The following CCDC3 variants were observed in gnomAD, a reference collection of about 807,000 sequenced individuals.
CCDC3 encodes the protein coiled-coil domain containing 3.
In CCDC3, 24 loss-of-function variants were observed where a neutral mutation model predicts 21.4. That is an observed-to-expected ratio of 1.12 (90% CI 0.81 to 1.58). The LOEUF (loss-of-function observed/expected upper bound fraction) is 1.58. Among genes scored for constraint, CCDC3 ranks in the 40% most tolerant of loss-of-function variants. The pLI, the probability that CCDC3 is intolerant of heterozygous loss-of-function variation, is 0.00. For synonymous variants in CCDC3, 186 were observed against 166.0 expected, an observed-to-expected ratio of 1.12 and a Z score of -0.93; for missense variants, 425 against 360.9, an observed-to-expected ratio of 1.18 and a Z score of -1.44.
At chr10:12,933,713 C>G (rs916185839) in intron 2 of CCDC3, among the ~76,000 whole-genome samples, 1 of 152,164 alleles carries the variant, frequency 6.6e-6, no homozygotes, top group Non-Finnish European at 1.5e-5. Context: ...CCGACTCGGC[C>G]TCCCAAAGTC....
chr10:13,062,301 C>T (rs887636372), intron 4 of CCDC3, among the ~76,000 whole-genome samples: 2 of 152,120 alleles, frequency 1.3e-5, no homozygotes, highest in Non-Finnish European at 2.9e-5. Flanking sequence ...CCGAGTTTCC[C>T]TTTTGCAATG....
intron 2 of CCDC3, among the ~76,000 whole-genome samples, chr10:12,926,227 C>T (rs921109625): frequency 2.6e-5 from 4 of 152,224 alleles, no homozygotes; most frequent in African/African-American, 9.6e-5. Flanking sequence ...TGATAAAAGG[C>T]TGGTTTGTAC....
chr10:13,032,002 T>C (rs751702920), intron 5 of CCDC3, among the ~76,000 whole-genome samples: 17 of 152,178 alleles, frequency 1.1e-4, no homozygotes, highest in African/African-American at 4.1e-4. Context: ...GAGGCCAGCA[T>C]CATCCTGATA....
intron 4 of CCDC3, among the ~76,000 whole-genome samples, chr10:13,050,298 G>T (rs1229522147): frequency 6.6e-6 from 1 of 152,104 alleles, no homozygotes; most frequent in African/African-American, 2.4e-5. Flanking sequence ...CTTGGTAATT[G>T]GTGAATCTGT....
rs187188396 is a variant in CCDC3 at position 12,966,469 on chromosome 10, T to C, written c.549+31869A>G. Among the ~76,000 whole-genome samples, 429 of 152,266 alleles carry C rather than the reference T, an allele frequency of 2.8e-3. 9 individuals carry two copies. The East Asian group carries it at 0.047, about 17-fold the overall frequency. On this transcript the variant is annotated intron_variant, in intron 2 of 2. Coordinates refer to ENST00000378825, the MANE Select transcript of CCDC3 (RefSeq NM_031455.4). ...CCCCTCCGGGAACAGGCAGGGACTC[T>C]GATTCCTGTACTTGCAAACAGGAAC...
upstream of CCDC3, among the ~76,000 whole-genome samples, chr10:13,005,833 A>G (rs1430951359): frequency 3.9e-5 from 6 of 152,232 alleles, no homozygotes; most frequent in Non-Finnish European, 2.9e-5. Flanking sequence ...AGATAACTCT[A>G]TAGATGAATT....
At chr10:12,929,010 T>A (rs1015933320) in intron 2 of CCDC3, among the ~76,000 whole-genome samples, 4 of 152,096 alleles carry the variant, frequency 2.6e-5, no homozygotes, top group African/African-American at 9.7e-5. Context: ...ATGCCTGTAA[T>A]CCCAGCACTT....
At chr10:12,987,019 A>T (rs1031750628) in intron 2 of CCDC3, among the ~76,000 whole-genome samples, 7 of 152,052 alleles carry the variant, frequency 4.6e-5, no homozygotes, top group Non-Finnish European at 1.0e-4. Context: ...TACACTCAAA[A>T]ACAAGCCAGG....
upstream of CCDC3, among the ~76,000 whole-genome samples, chr10:13,005,643 T>C (rs1589038043): frequency 1.3e-5 from 2 of 152,190 alleles, no homozygotes; most frequent in Non-Finnish European, 2.9e-5. Flanking sequence ...TTTTGTGCTG[T>C]GATTTTCCTT....
intron 5 of CCDC3, among the ~76,000 whole-genome samples, chr10:13,031,523 C>CA (rs1020178077): frequency 8.6e-5 from 13 of 151,858 alleles, no homozygotes; most frequent in South Asian, 2.1e-4. Context: ...GATAGAGACA[C>CA]AAAAAAACCT....
At chr10:12,987,446 CT>C (rs59225640) in intron 2 of CCDC3, among the ~76,000 whole-genome samples, 1 of 152,058 alleles carries the variant, frequency 6.6e-6, no homozygotes, top group African/African-American at 2.4e-5. Flanking sequence ...AGTATGTTAC[CT>C]TTTTTTAAAT....
At chr10:12,976,479 T>G (rs897624545) in intron 2 of CCDC3, among the ~76,000 whole-genome samples, 8 of 152,154 alleles carry the variant, frequency 5.3e-5, no homozygotes, top group African/African-American at 1.9e-4. Flanking sequence ...CCAGGAATTC[T>G]CTGGCAGACA....
At chr10:13,058,686 C>G in intron 4 of CCDC3, 1 of 436,536 alleles carries the variant, frequency 2.3e-6, no homozygotes. Flanking sequence ...CCCTGTGGAA[C>G]AGAGACCTGC....
intron 2 of CCDC3, among the ~76,000 whole-genome samples, chr10:12,927,920 G>A (rs544981137): frequency 2.6e-5 from 4 of 152,302 alleles, no homozygotes; most frequent in African/African-American, 9.6e-5. Context: ...GTCCAGAAAT[G>A]GAATTGCAAT....
rs2782282 is a variant in CCDC3 at position 13,034,626 on chromosome 10, T to G, written c.-2+15048A>C. Among the ~76,000 whole-genome samples the G allele has an allele frequency of 3.8e-3, 583 of 151,942 alleles. 6 individuals carry two copies. The highest frequency in any genetic ancestry group is 0.013 in the African/African-American group (552 of 41,214). ...TATTAACATTATTCCAATGGGACCT[T>G]TTTTGTATTAGTTCAGTCCAGATTC... On this transcript the variant is annotated intron_variant, in intron 5 of 6. Coordinates refer to the CCDC3 transcript ENST00000378839.
Position 13,038,513 on chromosome 10 carries a change from T to C in CCDC3, c.-2+11161A>G, listed in dbSNP as rs545814266. Among the ~76,000 whole-genome samples the C allele has an allele frequency of 3.3e-5, 5 of 152,252 alleles. No individual in the cohort carries two copies. In the East Asian group the frequency reaches 9.7e-4, roughly 29 times the overall value. The stretch of plus-strand genomic sequence containing the variant: ...TTGTTTAAGAAAACAGACCAGTATT[T>C]ATGTTCTAAAAGAGGAAGCTCCTAT... On this transcript the variant is annotated intron_variant, in intron 5 of 6. Coordinates refer to the CCDC3 transcript ENST00000378839.
At chr10:12,916,045 G>C (rs902332075) in intron 2 of CCDC3, among the ~76,000 whole-genome samples, 1 of 152,082 alleles carries the variant, frequency 6.6e-6, no homozygotes, top group Non-Finnish European at 1.5e-5. Context: ...CCAAGCACTC[G>C]ATTGTCCTGG....
At chr10:13,082,732 G>A (rs928404881) in intron 3 of CCDC3, among the ~76,000 whole-genome samples, 22 of 152,306 alleles carry the variant, frequency 1.4e-4, no homozygotes, top group African/African-American at 4.3e-4. Flanking sequence ...GGCCCTATCC[G>A]GGCGTGACAG....
chr10:13,086,905 A>C (rs750097994), intron 3 of CCDC3, among the ~76,000 whole-genome samples: 12 of 152,216 alleles, frequency 7.9e-5, no homozygotes, highest in Non-Finnish European at 1.5e-4. Flanking sequence ...GATGCCTACA[A>C]GCCCTGGGCT....
Sources: allele counts gnomAD v4.1 joint callset (sites outside exome capture counted in the v4.1 genomes callset), GRCh38; gene constraint gnomAD v4.1.1; transcripts MANE v1.5; gene names NCBI Gene and HGNC (gene_info 2026-07-23, HGNC 2026-07-21).